Variants in SLC2A13 observed in about 807,000 individuals in gnomAD.
The protein encoded by SLC2A13 is solute carrier family 2 member 13, also known as proton myo-inositol cotransporter.
Under a neutral mutation model 64.4 loss-of-function variants are expected in SLC2A13, and 32 were observed. The observed-to-expected ratio is 0.50, with a 90% CI of 0.37 to 0.67. SLC2A13 has a LOEUF of 0.67. Among genes scored for constraint, SLC2A13 ranks in the 30% least tolerant of loss-of-function variants. The pLI is 0.00. For missense variants in SLC2A13, 743 were observed against 829.2 expected (o/e 0.90, Z 1.28); for synonymous variants, 338 against 327.1 (o/e 1.03, Z -0.36).
intron 3 of SLC2A13, among the ~76,000 whole-genome samples, chr12:40,020,094 T>C (rs1359059543): frequency 6.6e-6 from 1 of 152,090 alleles, no homozygotes; most frequent in Non-Finnish European, 1.5e-5. Context: ...CCACTGTAGC[T>C]CCCCAATACA....
chr12:39,934,472 T>C (rs905512081), intron 4 of SLC2A13, among the ~76,000 whole-genome samples: 2 of 152,210 alleles, frequency 1.3e-5, no homozygotes, highest in African/African-American at 2.4e-5. Context: ...CAAGAGGCAA[T>C]GCCATCTCTG....
chr12:40,053,885 G>C (rs1337609635), intron 1 of SLC2A13, among the ~76,000 whole-genome samples: 5 of 152,148 alleles, frequency 3.3e-5, no homozygotes, highest in Non-Finnish European at 7.4e-5. Context: ...TCTAAACATG[G>C]AGCTCACTTG....
intron 4 of SLC2A13, among the ~76,000 whole-genome samples, chr12:39,886,361 C>T (rs1056936925): frequency 6.6e-6 from 1 of 152,048 alleles, no homozygotes; most frequent in Non-Finnish European, 1.5e-5. Flanking sequence ...ACATGCAGCA[C>T]TAAAACATGC....
intron 7 of SLC2A13, among the ~76,000 whole-genome samples, chr12:39,808,219 T>TCTGG (rs1279386820): frequency 3.9e-5 from 6 of 152,182 alleles, no homozygotes; most frequent in African/African-American, 9.6e-5. Context: ...TTGTTTTGTA[T>TCTGG]CTGGCTTTTT....
chr12:39,885,436 T>C (rs1250522886), intron 4 of SLC2A13, among the ~76,000 whole-genome samples: 2 of 152,044 alleles, frequency 1.3e-5, no homozygotes, highest in East Asian at 1.9e-4. Context: ...GTACCAAATA[T>C]TGCATATTTG....
chr12:39,970,856 A>G (rs997892084), intron 3 of SLC2A13, among the ~76,000 whole-genome samples: 7 of 152,192 alleles, frequency 4.6e-5, no homozygotes, highest in Non-Finnish European at 1.0e-4. Flanking sequence ...GTAAAAAACT[A>G]TATAGATGCC....
At chr12:39,989,759 G>A (rs1947099944) in intron 3 of SLC2A13, among the ~76,000 whole-genome samples, 1 of 152,130 alleles carries the variant, frequency 6.6e-6, no homozygotes, top group Non-Finnish European at 1.5e-5. Context: ...GACTTTTAAT[G>A]TTCTAGTTGA....
chr12:39,947,658 CTTT>C (rs35298500), intron 4 of SLC2A13, among the ~76,000 whole-genome samples: 6 of 122,218 alleles, frequency 4.9e-5, no homozygotes, highest in Non-Finnish European at 5.2e-5. Context: ...GTGAGAATTT[CTTT>C]TTTTTTTTTT....
chr12:39,796,422 TAAAAAA>T (rs10545679), intron 7 of SLC2A13, among the ~76,000 whole-genome samples: 2 of 117,624 alleles, frequency 1.7e-5, no homozygotes, highest in South Asian at 3.0e-4. Context: ...GGACCCATCT[TAAAAAA>T]AAAAAAAAAA....
At chr12:39,899,277 T>A (rs1161485476) in intron 4 of SLC2A13, among the ~76,000 whole-genome samples, 2 of 152,178 alleles carry the variant, frequency 1.3e-5, no homozygotes, top group Non-Finnish European at 2.9e-5. Context: ...GTAGAGGTGT[T>A]TGCAGTATTC....
In SLC2A13 at chr12:39,927,672, T is replaced by C. The variant is rs775650595; in HGVS notation, c.1034+23585A>G. 1.7e-3 allele frequency among the ~76,000 whole-genome samples: 256 copies of C among 152,360 alleles called. 1 individual carries two copies. The highest frequency in any genetic ancestry group is 2.7e-3 in the Non-Finnish European group (183 of 68,014). ...TCAAAACCAAGAAGTTTTTATGCAA[T>C]GATATAGTAACTTGGCTAAATCTGG... On this transcript the variant is annotated intron_variant, in intron 4 of 9. Coordinates refer to ENST00000280871, the MANE Select transcript of SLC2A13 (RefSeq NM_052885.4).
At position 40,048,170 on chromosome 12, in the gene SLC2A13, G is replaced by C. The variant is rs1407904160; in HGVS notation, c.597C>G (p.Val199=). The C allele has an allele frequency of 1.2e-6, 2 of 1,613,322 alleles. No homozygotes were observed. The highest frequency in any genetic ancestry group is 1.1e-5 in the South Asian group (1 of 91,012). The part of the protein sequence containing the change: ...SMTVPVYIAE[V]SPPNLRGRLV... ...ATCGGCCTCTTAAATTGGGTGGTGA[G>C]ACCTCCGCAATGTACACTGGCACTG... is the stretch of plus-strand genomic sequence containing the variant. The change falls in exon 2 of 10, where the codon GTC becomes GTG. Residue 199 remains valine, a synonymous_variant. Coordinates refer to ENST00000280871, the MANE Select transcript of SLC2A13 (RefSeq NM_052885.4).
chr12:39,995,123 G>A (rs1175534587), intron 3 of SLC2A13, among the ~76,000 whole-genome samples: 5 of 152,064 alleles, frequency 3.3e-5, no homozygotes, highest in Non-Finnish European at 7.4e-5. Context: ...AATAATACAC[G>A]TTGTGCAGGT....
chr12:40,072,396 ATAT>A (rs1331150594), intron 1 of SLC2A13, among the ~76,000 whole-genome samples: 2 of 152,148 alleles, frequency 1.3e-5, no homozygotes, highest in Non-Finnish European at 2.9e-5. Flanking sequence ...GATGTCAGTT[ATAT>A]CCAGTTGAGT....
At chr12:40,083,521 C>T (rs1488314405) in intron 1 of SLC2A13, among the ~76,000 whole-genome samples, 1 of 152,158 alleles carries the variant, frequency 6.6e-6, no homozygotes, top group Non-Finnish European at 1.5e-5. Context: ...ATCTCAGCAT[C>T]CATAGTGCTA....
At chr12:39,954,056 C>A (rs1168114665) in intron 3 of SLC2A13, among the ~76,000 whole-genome samples, 1 of 152,212 alleles carries the variant, frequency 6.6e-6, no homozygotes, top group South Asian at 2.1e-4. Context: ...TATCAGCTTT[C>A]CCTTTCTACA....
At chr12:39,917,183 T>C (rs933323853) in intron 4 of SLC2A13, among the ~76,000 whole-genome samples, 2 of 152,122 alleles carry the variant, frequency 1.3e-5, no homozygotes, top group East Asian at 3.8e-4. Context: ...TTTGGAGCTT[T>C]GAGCACATGA....
chr12:39,849,562 G>A (rs1308501059), intron 6 of SLC2A13, among the ~76,000 whole-genome samples: 1 of 152,156 alleles, frequency 6.6e-6, no homozygotes, highest in East Asian at 1.9e-4. Context: ...TCTGACTGAG[G>A]TGGTAAATTG....
At chr12:40,038,747 A>G (rs1948032067) in intron 2 of SLC2A13, among the ~76,000 whole-genome samples, 1 of 133,884 alleles carries the variant, frequency 7.5e-6, no homozygotes, top group Non-Finnish European at 1.6e-5. Flanking sequence ...AAAAAAAAGA[A>G]AGAAAAGAAA....
Sources: allele counts gnomAD v4.1 joint callset (sites outside exome capture counted in the v4.1 genomes callset), GRCh38; gene constraint gnomAD v4.1.1; transcripts MANE v1.5; gene names NCBI Gene and HGNC (gene_info 2026-07-23, HGNC 2026-07-21).